QTMAN: variants seen among roughly 807,000 people sequenced by gnomAD.
QTMAN encodes the protein queuosine-tRNA mannosyltransferase, also known as tRNA-queuosine alpha-mannosyltransferase.
At chr2:144,276,667 C>T in the QTMAN span, among the ~76,000 whole-genome samples, 2 of 152,122 alleles carry the variant, frequency 1.3e-5, no homozygotes, top group Admixed American at 6.5e-5. Flanking sequence ...AAAATTTACT[C>T]ATCAAAAATT....
chr2:144,059,154 A>G, the QTMAN span, among the ~76,000 whole-genome samples: 1 of 152,160 alleles, frequency 6.6e-6, no homozygotes, highest in Non-Finnish European at 1.5e-5. Flanking sequence ...AACATATATC[A>G]TAGCTTTGCA....
chr2:144,092,590 A>G, the QTMAN span, among the ~76,000 whole-genome samples: 1 of 152,208 alleles, frequency 6.6e-6, no homozygotes, highest in Non-Finnish European at 1.5e-5. Context: ...AACAAAAGCA[A>G]TAGTTTTAGT....
the QTMAN span, among the ~76,000 whole-genome samples, chr2:144,096,006 C>T: frequency 2.0e-5 from 3 of 148,416 alleles, no homozygotes; most frequent in Non-Finnish European, 3.0e-5. Flanking sequence ...AAAACCAGAA[C>T]CTCAAAAGCT....
the QTMAN span, among the ~76,000 whole-genome samples, chr2:144,142,270 T>A: frequency 6.6e-6 from 1 of 151,990 alleles, no homozygotes; most frequent in Non-Finnish European, 1.5e-5. Context: ...TGGCATCAGA[T>A]TTGAAAGGCA....
the QTMAN span, chr2:143,943,051 T>C: frequency 1.3e-5 from 2 of 152,244 alleles, no homozygotes; most frequent in Non-Finnish European, 2.9e-5. Flanking sequence ...CGAATGCACC[T>C]TTCCCTACTT....
chr2:144,305,868 T>C, the QTMAN span, among the ~76,000 whole-genome samples: 5 of 152,242 alleles, frequency 3.3e-5, no homozygotes, highest in African/African-American at 1.2e-4. Context: ...TGCTAATGTA[T>C]AGAAATACAA....
At chr2:144,022,708 C>T in the QTMAN span, among the ~76,000 whole-genome samples, 102 of 151,970 alleles carry the variant, frequency 6.7e-4, no homozygotes, top group African/African-American at 2.2e-3. Context: ...GGACTACAGA[C>T]GCACGCCACT....
chr2:144,215,259 A>ATAT, the QTMAN span, among the ~76,000 whole-genome samples: 9 of 149,360 alleles, frequency 6.0e-5, no homozygotes, highest in African/African-American at 2.0e-4. Context: ...TAAAAAAAAA[A>ATAT]AAATATATAT....
At chr2:144,195,028 C>A in the QTMAN span, among the ~76,000 whole-genome samples, 4 of 152,090 alleles carry the variant, frequency 2.6e-5, no homozygotes, top group Non-Finnish European at 4.4e-5. Context: ...ACTATTCATG[C>A]CCCATCTAAA....
the QTMAN span, among the ~76,000 whole-genome samples, chr2:144,196,612 CA>C: frequency 1.3e-5 from 2 of 152,012 alleles, no homozygotes; most frequent in Non-Finnish European, 2.9e-5. Context: ...AGTCAACAAA[CA>C]AAAAAACCTC....
chr2:144,295,672 G>A, the QTMAN span, among the ~76,000 whole-genome samples: 1 of 152,058 alleles, frequency 6.6e-6, no homozygotes, highest in African/African-American at 2.4e-5. Flanking sequence ...GAGTGCAGTG[G>A]CAAGACTGTG....
At chr2:144,121,259 C>T in the QTMAN span, among the ~76,000 whole-genome samples, 2 of 152,132 alleles carry the variant, frequency 1.3e-5, no homozygotes, top group East Asian at 3.9e-4. Context: ...TCACTACCCT[C>T]GCACAGTATG....
chr2:144,021,430 G>C, the QTMAN span, among the ~76,000 whole-genome samples: 1 of 152,268 alleles, frequency 6.6e-6, no homozygotes, highest in East Asian at 1.9e-4. Flanking sequence ...GATACTGGTG[G>C]ATGTGCTCCC....
At chr2:144,317,623 G>C in the QTMAN span, 1 of 152,128 alleles carries the variant, frequency 6.6e-6, no homozygotes, top group Non-Finnish European at 1.5e-5. Flanking sequence ...AATTCTCAAG[G>C]CTTTCCAAAT....
the QTMAN span, among the ~76,000 whole-genome samples, chr2:144,080,644 T>C: frequency 6.6e-6 from 1 of 152,070 alleles, no homozygotes; most frequent in Admixed American, 6.6e-5. Flanking sequence ...TGGAGAAAAA[T>C]ATATAAAAAT....
At chr2:144,125,435 C>T in the QTMAN span, among the ~76,000 whole-genome samples, 2 of 151,994 alleles carry the variant, frequency 1.3e-5, no homozygotes, top group Non-Finnish European at 2.9e-5. Context: ...ATTCTGCTTA[C>T]CTCAACCCCC....
At chr2:144,133,659 C>T in the QTMAN span, among the ~76,000 whole-genome samples, 1 of 144,020 alleles carries the variant, frequency 6.9e-6, no homozygotes, top group African/African-American at 2.6e-5. Flanking sequence ...ATGGTTACAA[C>T]CTAACACAGC....
chr2:144,073,466 T>C, the QTMAN span, among the ~76,000 whole-genome samples: 1 of 152,118 alleles, frequency 6.6e-6, no homozygotes, highest in Non-Finnish European at 1.5e-5. Context: ...CATTATGTCC[T>C]TTTGAACAAA....
chr2:144,182,824 A>G, the QTMAN span, among the ~76,000 whole-genome samples: 1 of 69,764 alleles, frequency 1.4e-5, no homozygotes, highest in African/African-American at 6.1e-5. Flanking sequence ...TATATTATAT[A>G]TATAATATAT....
Sources: gnomAD v4.1 joint callset for allele counts (sites outside exome capture counted in the v4.1 genomes callset) on GRCh38, gnomAD v4.1.1 for gene constraint, MANE v1.5 for transcripts, NCBI Gene and HGNC (gene_info 2026-07-23, HGNC 2026-07-21) for gene names.